Variants in RPL7 observed in about 807,000 individuals in gnomAD.
The protein encoded by RPL7 is ribosomal protein L7, also known as large ribosomal subunit protein uL30.
For synonymous variants in RPL7, 100 were observed against 102.2 expected (o/e 0.98, Z 0.13); for missense variants, 205 against 301.9 (o/e 0.68, Z 2.38).
In RPL7 at chr8:73,293,601, T is replaced by G; in HGVS notation, c.12A>C (p.Val4=). 1 of 1,613,930 alleles carries G rather than the reference T, an allele frequency of 6.2e-7. No homozygotes were observed. Residue 4 remains valine, a splice_region_variant and synonymous_variant, in exon 1 of 7, where the codon GTA becomes GTC. Transcript: ENST00000352983. ...CAAGAGGACCAGAAGCAACTCACTC[T>G]ACACCCTCCATGGTTCCAGCCGGAA... MEG[V]EEKKKEVPAV... is the part of the protein sequence containing the mutation.
rs1273444094 is a variant in RPL7 at position 73,290,547 on chromosome 8, T to C, written c.*160A>G. 2.0e-5 allele frequency: 3 copies of C among 153,304 alleles called. No individual in the cohort carries two copies. Among genetic ancestry groups the C allele is most frequent in the South Asian group, 2.0e-4 (1 of 4,910 alleles). The allele number at this position is 153,304 out of a possible 1,614,324, so 9.5% of individuals were successfully genotyped here. A position where few individuals can be genotyped will look rare whatever the true frequency, so the allele number is the denominator to read the frequency against. On this transcript the variant is annotated 3_prime_UTR_variant, in exon 7 of 7. Coordinates refer to ENST00000352983, the MANE Select transcript of RPL7 (RefSeq NM_000971.4). ...GCACGAAATGGGCTGTTGATTTGGC[T>C]TAATTTTATCACACACCACACTTGC...
chr8:73,291,463 G>T, intron 5 of RPL7, 89 bp downstream of exon 5: 2 of 1,008,164 alleles, frequency 2.0e-6, no homozygotes, highest in Admixed American at 2.4e-5. Flanking sequence ...AACACATGAA[G>T]ATTCACAATA....
chr8:73,292,275 G>C lies in RPL7; in HGVS notation c.254C>G (p.Ala85Gly), dbSNP rs202074117. 2.6e-5 allele frequency: 42 copies of C among 1,612,554 alleles called. No individual in the cohort carries two copies. In the East Asian group the frequency reaches 9.4e-4, roughly 36 times the overall value. The change falls in exon 3 of 7, where the codon GCA (alanine) becomes GGA (glycine). Residue 85 changes from alanine (A) to glycine (G), a missense_variant. Coordinates refer to ENST00000352983, the MANE Select transcript of RPL7 (RefSeq NM_000971.4). ...GATGACAAACGCCAATTTGGGTTCT[G>C]CAGGTACATAGAAGTTGCCAGCTTT... Reference protein sequence around the residue: ...ARKAGNFYVPAEPKLAFVIRI... With the variant: ...ARKAGNFYVPGEPKLAFVIRI...
intron 2 of RPL7, 29 bp from the exon 3 acceptor site, chr8:73,292,434 T>C (rs558251175): frequency 1.9e-6 from 3 of 1,571,896 alleles, no homozygotes; most frequent in South Asian, 2.3e-5. Context: ...TTATTCATAA[T>C]TTTTAGCTCA....
intron 1 of RPL7, chr8:73,293,336 G>A (rs138996413): frequency 1.1e-4 from 56 of 492,936 alleles, no homozygotes; most frequent in Non-Finnish European, 2.0e-4. Flanking sequence ...ACCCTCTACC[G>A]AGGACTGGGC....
upstream of RPL7, chr8:73,293,854 G>A: frequency 2.0e-6 from 1 of 493,042 alleles, no homozygotes. Context: ...CAAGAGCAAA[G>A]AGTGCTGACA....
intron 6 of RPL7, 46 bp from the exon 7 acceptor site, chr8:73,290,751 A>G (rs1814077642): frequency 3.3e-6 from 1 of 302,434 alleles, no homozygotes; most frequent in Non-Finnish European, 6.1e-6. Flanking sequence ...TAGGCAGCTA[A>G]CAATTAACAT....
At chr8:73,292,643 A>C in intron 2 of RPL7, 46 bp downstream of exon 2, 3 of 1,397,790 alleles carry the variant, frequency 2.1e-6, no homozygotes, top group East Asian at 2.3e-5. Flanking sequence ...CCTCAATCCC[A>C]ATAAGGCGCC....
intron 5 of RPL7, 135 bp downstream of exon 5, chr8:73,291,417 T>C (rs1814092399): frequency 2.3e-6 from 2 of 856,940 alleles, no homozygotes; most frequent in Admixed American, 2.8e-5. Context: ...AACCATGTCT[T>C]ACGTTTTCTT....
intron 1 of RPL7, chr8:73,293,398 C>CG (rs1314432512): frequency 6.8e-6 from 4 of 587,922 alleles, no homozygotes; most frequent in Non-Finnish European, 1.2e-5. Context: ...ATCTCGTTCC[C>CG]GGGATCTCCA....
chr8:73,292,213 C>A, intron 3 of RPL7, 26 bp downstream of exon 3: 2 of 1,543,808 alleles, frequency 1.3e-6, no homozygotes, highest in Non-Finnish European at 1.8e-6. Flanking sequence ...CCCATTCAAA[C>A]CCGAATGCAG....
intron 1 of RPL7, 101 bp from the exon 2 acceptor site, chr8:73,292,898 G>C (rs1374934162): frequency 2.5e-6 from 2 of 810,766 alleles, no homozygotes; most frequent in African/African-American, 3.4e-5. Flanking sequence ...TGCTGTCACT[G>C]ACTTTAGTCA....
At chr8:73,291,301 G>A in intron 5 of RPL7, 49 bp from the exon 6 acceptor site, 3 of 1,451,548 alleles carry the variant, frequency 2.1e-6, no homozygotes, top group South Asian at 2.5e-5. Context: ...AAAAAGTTTT[G>A]AAATAATTAT....
chr8:73,291,019 C>T lies in RPL7; in HGVS notation c.*1+24G>A. 2.6e-6 allele frequency: 4 copies of T among 1,568,058 alleles called. No homozygotes were observed. The South Asian group carries it at 4.4e-5, about 17-fold the overall frequency. Reference sequence around the variant, plus strand: ...ACTTATACTCTAACATTAACTCAACCTTTCTCAGGATGAGGTCTCTCACCT... The same window carrying T: ...ACTTATACTCTAACATTAACTCAACTTTTCTCAGGATGAGGTCTCTCACCT... On this transcript the variant is annotated intron_variant, in intron 6 of 6. Coordinates refer to ENST00000352983, the MANE Select transcript of RPL7 (RefSeq NM_000971.4).
chr8:73,291,467 C>A, intron 5 of RPL7, 85 bp downstream of exon 5: 1 of 1,045,290 alleles, frequency 9.6e-7, no homozygotes, highest in Non-Finnish European at 1.4e-6. Context: ...CATGAAGATT[C>A]ACAATAGTGA....
chr8:73,293,659 T>C (rs183037939), upstream of RPL7: 216 of 1,611,624 alleles, frequency 1.3e-4, no homozygotes, highest in African/African-American at 2.5e-3. Flanking sequence ...TACTGTCCAC[T>C]TAAAGACTTC....
At chr8:73,291,488 G>A in intron 5 of RPL7, 64 bp downstream of exon 5, 1 of 1,203,264 alleles carries the variant, frequency 8.3e-7, no homozygotes, top group Non-Finnish European at 1.2e-6. Context: ...GAAATGTACG[G>A]CCACAAGAGG....
intron 2 of RPL7, 137 bp downstream of exon 2, chr8:73,292,552 C>T (rs1331311434): frequency 7.9e-6 from 8 of 1,010,842 alleles, no homozygotes; most frequent in African/African-American, 3.2e-5. Context: ...AACCCCACTA[C>T]CTTCAGATTG....
rs781581308 is a variant in RPL7 at position 73,291,561 on chromosome 8, G to C, written c.529C>G (p.Arg177Gly). 1.9e-6 allele frequency: 3 copies of C among 1,591,348 alleles called. No individual in the cohort carries two copies. The highest frequency in any genetic ancestry group is 2.6e-6 in the Non-Finnish European group (3 of 1,163,286). Residue 177 changes from arginine to glycine, a missense_variant, in exon 5 of 7, where the codon CGA (arginine) becomes GGA (glycine). Physicochemically the swap from Arg to Gly is moderately radical, Grantham distance 125. Coordinates refer to ENST00000352983, the MANE Select transcript of RPL7 (RefSeq NM_000971.4). Reference sequence around the variant, plus strand: ...CCCAAATAGAACCTACCAAGAGATCGAGCAATCAAAGCGTTATCTGTCAAA... The same window carrying C: ...CCCAAATAGAACCTACCAAGAGATCCAGCAATCAAAGCGTTATCTGTCAAA... ...IALTDNALIA[R>G]SLGKYGIICM...
Sources: gnomAD v4.1 joint callset for allele counts on GRCh38, gnomAD v4.1.1 for gene constraint, MANE v1.5 for transcripts, NCBI Gene and HGNC (gene_info 2026-07-23, HGNC 2026-07-21) for gene names.